The following ZNF365 variants were observed in gnomAD, a reference collection of about 807,000 sequenced individuals.
ZNF365 encodes the protein protein ZNF365.
A neutral mutation model predicts 35.0 loss-of-function variants in ZNF365; 22 were observed. The observed-to-expected ratio is 0.63, with a 90% confidence interval of 0.45 to 0.90. The LOEUF (loss-of-function observed/expected upper bound fraction) is 0.90, where lower values mean the gene tolerates loss of function less well. Ranked by LOEUF, ZNF365 falls within the 40% of genes least tolerant of loss-of-function variation. The probability of loss-of-function intolerance (pLI) is 0.00; values close to 1 mark genes in which losing one functional copy is unlikely to be tolerated. For missense variants in ZNF365, 448 were observed against 500.3 expected, an observed-to-expected ratio of 0.90 and a Z score of 1.00; for synonymous variants, 188 against 196.2, an observed-to-expected ratio of 0.96 and a Z score of 0.35.
chr10:62,419,630 G>A (rs1840135071), intron 3 of ZNF365, among the ~76,000 whole-genome samples: 1 of 152,104 alleles, frequency 6.6e-6, no homozygotes, highest in Non-Finnish European at 1.5e-5. Flanking sequence ...AGTGTCTGAT[G>A]TGACATTGTT....
intron 3 of ZNF365, 38 bp downstream of exon 3, chr10:62,388,614 C>G: frequency 6.2e-7 from 1 of 1,607,840 alleles, no homozygotes; most frequent in South Asian, 1.1e-5. Flanking sequence ...TGTAAGATCC[C>G]TGTGGTTGGT....
chr10:62,397,889 A>T (rs1461275225), intron 3 of ZNF365, among the ~76,000 whole-genome samples: 2 of 152,184 alleles, frequency 1.3e-5, no homozygotes, highest in African/African-American at 4.8e-5. Flanking sequence ...TTCAAATTTT[A>T]TGTATTTATT....
downstream of ZNF365, among the ~76,000 whole-genome samples, chr10:62,404,997 A>C (rs1372587380): frequency 6.6e-6 from 1 of 152,232 alleles, no homozygotes; most frequent in Non-Finnish European, 1.5e-5. Context: ...CAGCAGGTGG[A>C]GAAACAGCAG....
intron 4 of ZNF365, among the ~76,000 whole-genome samples, chr10:62,460,463 T>A (rs937900759): frequency 1.3e-5 from 2 of 152,218 alleles, no homozygotes; most frequent in Non-Finnish European, 2.9e-5. Context: ...ATAGAACAAT[T>A]ACAACAATAT....
At chr10:62,389,145 A>G (rs978513786) in intron 3 of ZNF365, among the ~76,000 whole-genome samples, 10 of 152,114 alleles carry the variant, frequency 6.6e-5, no homozygotes, top group Admixed American at 4.6e-4. Flanking sequence ...GGAGTTTAAG[A>G]AACGCCTAAA....
chr10:62,442,185 T>C (rs778093934), intron 3 of ZNF365, among the ~76,000 whole-genome samples: 9 of 152,174 alleles, frequency 5.9e-5, no homozygotes, highest in Non-Finnish European at 1.2e-4. Flanking sequence ...GATCTTTAAA[T>C]AGCAAGGAAC....
At chr10:62,394,390 A>AATAT (rs1839686873) in intron 3 of ZNF365, among the ~76,000 whole-genome samples, 1 of 152,232 alleles carries the variant, frequency 6.6e-6, no homozygotes, top group Non-Finnish European at 1.5e-5. Context: ...CCTCAGTACC[A>AATAT]GTAAGTTCTG....
chr10:62,423,913 CAT>C (rs1307047977), intron 3 of ZNF365, among the ~76,000 whole-genome samples: 2 of 152,092 alleles, frequency 1.3e-5, no homozygotes, highest in Non-Finnish European at 2.9e-5. Context: ...ACTGAATGTA[CAT>C]AGTTTTGCAC....
chr10:62,473,692 T>C (rs1192018780), intron 4 of ZNF365, among the ~76,000 whole-genome samples: 1 of 152,158 alleles, frequency 6.6e-6, no homozygotes, highest in African/African-American at 2.4e-5. Context: ...AAATGCTGTG[T>C]TAGATGTGTT....
chr10:62,416,430 T>C (rs4745970), intron 3 of ZNF365, among the ~76,000 whole-genome samples: 95,075 of 151,880 alleles, frequency 0.63, 30,291 homozygotes, highest in East Asian at 0.84. Context: ...TGTTCCCATG[T>C]TTTCCTAATA....
chr10:62,400,080 T>C lies in ZNF365; in HGVS notation c.*291T>C, dbSNP rs1839801110. The C allele has an allele frequency of 8.8e-7, 1 of 1,142,676 alleles. No individual in the cohort carries two copies. The allele number at this position is 1,142,676 out of a possible 1,614,324, so 70.8% of individuals were successfully genotyped here. ...GTAACTGGCCCAGTCTCCAGTAATCTTGGCATCTGGGCTTCTATGCAGTGG... is the reference window on the plus strand; with the variant it reads ...GTAACTGGCCCAGTCTCCAGTAATCCTGGCATCTGGGCTTCTATGCAGTGG... On this transcript the variant is annotated 3_prime_UTR_variant, in exon 5 of 5. Coordinates refer to ENST00000395254, the MANE Select transcript of ZNF365 (RefSeq NM_014951.3).
Position 62,399,724 on chromosome 10 carries a change from C to T in ZNF365, c.1159C>T (p.Arg387Cys), listed in dbSNP as rs528809549. The change falls in exon 5 of 5, where the codon CGC becomes TGC. Residue 387 changes from arginine to cysteine, a missense_variant. Transcript: ENST00000395254. ...PKKGELLGFG[R>C]KGNIRPKMAK... The stretch of plus-strand genomic sequence containing the variant: ...GAAAGGGGAGCTCCTGGGGTTTGGC[C>T]GCAAAGGCAACATCAGGCCCAAAAT... 53 of 1,613,884 alleles carry T rather than the reference C, an allele frequency of 3.3e-5. No homozygotes were observed. Among genetic ancestry groups the T allele is most frequent in the East Asian group, 4.5e-5 (2 of 44,884 alleles).
At chr10:62,436,336 A>G (rs1341122633) in intron 3 of ZNF365, among the ~76,000 whole-genome samples, 2 of 152,126 alleles carry the variant, frequency 1.3e-5, no homozygotes, top group Non-Finnish European at 2.9e-5. Context: ...TAGAACCCTT[A>G]ATTAAACTAA....
chr10:62,465,147 C>T (rs1463165282), intron 4 of ZNF365, among the ~76,000 whole-genome samples: 3 of 152,216 alleles, frequency 2.0e-5, no homozygotes, highest in Non-Finnish European at 4.4e-5. Context: ...TGTCCTGCTC[C>T]CGGAGCCCAC....
At chr10:62,467,960 C>A (rs182675305) in intron 4 of ZNF365, among the ~76,000 whole-genome samples, 60 of 152,108 alleles carry the variant, frequency 3.9e-4, no homozygotes, top group African/African-American at 1.3e-3. Flanking sequence ...CAGAATATAC[C>A]CATTATTCTC....
chr10:62,422,837 G>C (rs4578272), intron 3 of ZNF365, among the ~76,000 whole-genome samples: 89,135 of 151,844 alleles, frequency 0.59, 26,683 homozygotes, highest in East Asian at 0.77. Flanking sequence ...CATATGAGAT[G>C]GAAATGAAGT....
chr10:62,449,549 G>A (rs1430689241), intron 3 of ZNF365, among the ~76,000 whole-genome samples: 1 of 152,140 alleles, frequency 6.6e-6, no homozygotes, highest in Non-Finnish European at 1.5e-5. Flanking sequence ...GGTTTATTAT[G>A]AGTGTATTTT....
At chr10:62,388,195 G>T (rs1216819345) in intron 2 of ZNF365, among the ~76,000 whole-genome samples, 1 of 152,106 alleles carries the variant, frequency 6.6e-6, no homozygotes, top group Admixed American at 6.5e-5. Flanking sequence ...TTATTTGTTT[G>T]TTTTATAGTG....
rs971650467 is a variant in ZNF365, at chr10:62,400,252, T to C, written c.*463T>C. ...TAAAATGAAAATATTTGTGTTTGTG[T>C]ATAACCTTCCCCTCAGCTAATTTGA... On this transcript the variant is annotated 3_prime_UTR_variant, in exon 5 of 5. Coordinates refer to ENST00000395254, the MANE Select transcript of ZNF365 (RefSeq NM_014951.3). 2.0e-6 allele frequency: 2 copies of C among 988,414 alleles called. No homozygotes were observed. The highest frequency in any genetic ancestry group is 2.4e-6 in the Non-Finnish European group (2 of 831,556). 61.2% of individuals were successfully genotyped at this position (988,414 alleles called of 1,614,324 possible). A position where few individuals can be genotyped will look rare whatever the true frequency, so the allele number is the denominator to read the frequency against.
Sources: allele counts gnomAD v4.1 joint callset (sites outside exome capture counted in the v4.1 genomes callset), GRCh38; gene constraint gnomAD v4.1.1; transcripts MANE v1.5; gene names NCBI Gene and HGNC (gene_info 2026-07-23, HGNC 2026-07-21).